PPP2R2A: variants seen among roughly 807,000 people sequenced by gnomAD.
PPP2R2A encodes the protein protein phosphatase 2 regulatory subunit Balpha, also known as serine/threonine-protein phosphatase 2A 55 kDa regulatory subunit B alpha isoform.
Under a neutral mutation model 53.2 loss-of-function variants are expected in PPP2R2A, and 9 were observed. That is an observed-to-expected ratio of 0.17 (90% CI 0.10 to 0.30). The LOEUF is 0.30. Ranked by LOEUF, PPP2R2A falls within the 10% of genes least tolerant of loss-of-function variation. The probability of loss-of-function intolerance (pLI) is 1.00; values close to 1 mark genes in which losing one functional copy is unlikely to be tolerated. For missense variants in PPP2R2A, 235 were observed against 534.6 expected, an observed-to-expected ratio of 0.44 and a Z score of 5.53; for synonymous variants, 169 against 174.2, an observed-to-expected ratio of 0.97 and a Z score of 0.23.
At chr8:26,322,192 T>G (rs991456798) in intron 2 of PPP2R2A, among the ~76,000 whole-genome samples, 16 of 152,216 alleles carry the variant, frequency 1.1e-4, no homozygotes, top group African/African-American at 3.9e-4. Context: ...AAGGAGTTCT[T>G]AAGTGAAATT....
At chr8:26,340,676 G>A (rs924474588) in intron 3 of PPP2R2A, among the ~76,000 whole-genome samples, 3 of 152,018 alleles carry the variant, frequency 2.0e-5, no homozygotes, top group South Asian at 2.1e-4. Context: ...TCCTGTGGTC[G>A]TTTGTTGTCC....
At position 26,293,898 on chromosome 8, in the gene PPP2R2A, G is replaced by A. The variant is rs917467812; in HGVS notation, c.82+158G>A. 12 of 655,826 alleles carry A rather than the reference G, an allele frequency of 1.8e-5. No individual in the cohort carries two copies. In the Admixed American group the frequency reaches 3.7e-4, roughly 20 times the overall value. 40.6% of individuals were successfully genotyped at this position (655,826 alleles called of 1,614,324 possible). A position where few individuals can be genotyped will look rare whatever the true frequency, so the allele number is the denominator to read the frequency against. ...TTAAAAGATACCTTTCTGAAAAACA[G>A]CCTTAAATTTCATTTGTTATTTACG... On this transcript the variant is annotated intron_variant, in intron 2 of 9. Coordinates refer to ENST00000380737, the MANE Select transcript of PPP2R2A (RefSeq NM_002717.4).
rs973690910 is a variant in PPP2R2A, at chr8:26,362,625, T to A, written c.638-59T>A. 2.0e-5 allele frequency: 30 copies of A among 1,524,208 alleles called. No homozygotes were observed. The African/African-American group carries it at 3.3e-4, about 17-fold the overall frequency. The allele number at this position is 1,524,208 out of a possible 1,614,324, so 94.4% of individuals were successfully genotyped here. On this transcript the variant is annotated intron_variant, in intron 6 of 9. Transcript: ENST00000380737. The surrounding 1 kb of genome is among the most constrained non-coding windows in gnomAD (Gnocchi z 4.4). ...ATGAATGGGTTTTAGGTTTGAGAAA[T>A]GTAGAATTATATTTGCCCTTTTTTC... is the stretch of plus-strand genomic sequence containing the variant.
intron 3 of PPP2R2A, among the ~76,000 whole-genome samples, chr8:26,346,651 C>G (rs1229477286): frequency 6.6e-6 from 1 of 152,176 alleles, no homozygotes; most frequent in Non-Finnish European, 1.5e-5. Context: ...AAATTGGGTT[C>G]TTTCTCAAAT....
At chr8:26,315,757 C>T (rs1301234554) in intron 2 of PPP2R2A, among the ~76,000 whole-genome samples, 2 of 152,182 alleles carry the variant, frequency 1.3e-5, no homozygotes, top group Non-Finnish European at 2.9e-5. Flanking sequence ...TACCTTCCTT[C>T]TGCTGTTGCC....
At chr8:26,364,545 C>T (rs1351793871) in intron 8 of PPP2R2A, among the ~76,000 whole-genome samples, 1 of 152,206 alleles carries the variant, frequency 6.6e-6, no homozygotes, top group Non-Finnish European at 1.5e-5. Flanking sequence ...AGGCCCTAGA[C>T]TGCAGTGTTG....
In PPP2R2A at chr8:26,362,340, CAA is replaced by C. The variant is rs77527363; in HGVS notation, c.638-330_638-329del. Among the ~76,000 whole-genome samples the C allele has an allele frequency of 1.1e-4, 14 of 123,066 alleles. No individual in the cohort carries two copies. Among genetic ancestry groups the C allele is most frequent in the South Asian group, 2.6e-4 (1 of 3,854 alleles). 80.7% of individuals were successfully genotyped at this position (123,066 alleles called of 152,430 possible). The stretch of plus-strand genomic sequence containing the variant: ...TGAAACCCCGTCTCTACTAAAAATA[CAA>C]AAAAAAAAAAAAATTAGTCAGTTGT... On this transcript the variant is annotated intron_variant, in intron 6 of 9. Transcript: ENST00000380737. This position sits in a 1 kb window ranked among gnomAD's most constrained non-coding sequence, Gnocchi z 4.4.
At chr8:26,339,078 A>G in intron 3 of PPP2R2A, 91 bp downstream of exon 3, 2 of 973,426 alleles carry the variant, frequency 2.1e-6, no homozygotes, top group Middle Eastern at 2.2e-4. Flanking sequence ...AGGATGTTGG[A>G]ATTTTAAAAG....
At chr8:26,352,113 G>C (rs1184438253) in intron 3 of PPP2R2A, among the ~76,000 whole-genome samples, 1 of 152,182 alleles carries the variant, frequency 6.6e-6, no homozygotes, top group East Asian at 1.9e-4. Context: ...AGAGAGGGAG[G>C]TGAAAATGCT....
At chr8:26,368,422 G>A (rs896089130) in intron 9 of PPP2R2A, among the ~76,000 whole-genome samples, 1 of 152,180 alleles carries the variant, frequency 6.6e-6, no homozygotes, top group Non-Finnish European at 1.5e-5. Flanking sequence ...AACTTACGAA[G>A]TTTTGTTTGT....
chr8:26,366,444 A>G (rs368653612), intron 9 of PPP2R2A, 38 bp downstream of exon 9: 425 of 1,443,384 alleles, frequency 2.9e-4, no homozygotes, highest in Non-Finnish European at 3.9e-4. Flanking sequence ...AATTTTATTA[A>G]AGAAAAGAAA....
intron 3 of PPP2R2A, among the ~76,000 whole-genome samples, chr8:26,349,648 C>T (rs182486691): frequency 1.3e-5 from 2 of 152,168 alleles, no homozygotes; most frequent in African/African-American, 2.4e-5. Flanking sequence ...ACATAAAATA[C>T]TAGCAGATTA....
Position 26,360,809 on chromosome 8 carries a change from C to T in PPP2R2A, c.460-165C>T, listed in dbSNP as rs1220473741. On this transcript the variant is annotated intron_variant, in intron 5 of 9. Coordinates refer to ENST00000380737, the MANE Select transcript of PPP2R2A (RefSeq NM_002717.4). This position sits in a 1 kb window ranked among gnomAD's most constrained non-coding sequence, Gnocchi z 4.5. ...TTATCCACATTGTTCATTTTTTCTT[C>T]AGCACTCGAAAGGATCAACATCAGT... is the stretch of plus-strand genomic sequence containing the variant. 3.5e-6 allele frequency: 2 copies of T among 579,306 alleles called. No homozygotes were observed. Among genetic ancestry groups the T allele is most frequent in the Admixed American group, 3.9e-5 (1 of 25,520 alleles). 35.9% of individuals were successfully genotyped at this position (579,306 alleles called of 1,614,324 possible).
In PPP2R2A at chr8:26,354,160, G is replaced by GT. The variant is rs1326629701; in HGVS notation, c.181-301dup. 1.3e-5 allele frequency among the ~76,000 whole-genome samples: 2 copies of GT among 151,788 alleles called. No individual in the cohort carries two copies. The highest frequency in any genetic ancestry group is 2.4e-5 in the African/African-American group (1 of 41,308). On this transcript the variant is annotated intron_variant, in intron 3 of 9. Transcript: ENST00000380737. The surrounding 1 kb of genome is among the most constrained non-coding windows in gnomAD (Gnocchi z 4.6). ...ATGGGTGCTCAGTTTTTTTTCATCA[G>GT]TTTTTTTCATAGACTATACCATCAA... is the stretch of plus-strand genomic sequence containing the variant.
intron 3 of PPP2R2A, among the ~76,000 whole-genome samples, chr8:26,345,749 TTGG>T (rs1299985113): frequency 6.6e-6 from 1 of 152,204 alleles, no homozygotes; most frequent in African/African-American, 2.4e-5. Flanking sequence ...AAGTAGCAAC[TTGG>T]TGATTGAAAA....
At chr8:26,343,739 T>C (rs749856900) in intron 3 of PPP2R2A, among the ~76,000 whole-genome samples, 1 of 152,192 alleles carries the variant, frequency 6.6e-6, no homozygotes, top group African/African-American at 2.4e-5. Context: ...TACCAAAATA[T>C]TCATAATTGA....
chr8:26,331,387 T>C (rs936321753), intron 2 of PPP2R2A, among the ~76,000 whole-genome samples: 1 of 152,228 alleles, frequency 6.6e-6, no homozygotes, highest in Admixed American at 6.5e-5. Context: ...AGACCAGTTA[T>C]CAGATTTTTA....
intron 2 of PPP2R2A, among the ~76,000 whole-genome samples, chr8:26,295,336 C>T (rs543023405): frequency 4.3e-4 from 66 of 152,136 alleles, no homozygotes; most frequent in Non-Finnish European, 8.4e-4. Flanking sequence ...TCAAAGTGAA[C>T]ATCATTTACC....
At chr8:26,337,972 T>C (rs1245049890) in intron 2 of PPP2R2A, among the ~76,000 whole-genome samples, 2 of 152,258 alleles carry the variant, frequency 1.3e-5, no homozygotes, top group Non-Finnish European at 2.9e-5. Flanking sequence ...AAAGTATGTA[T>C]ATCATCAGAT....
Sources: allele counts gnomAD v4.1 joint callset (sites outside exome capture counted in the v4.1 genomes callset), GRCh38; gene constraint gnomAD v4.1.1; non-coding constraint Gnocchi (gnomAD v3.1); transcripts MANE v1.5; gene names NCBI Gene and HGNC (gene_info 2026-07-23, HGNC 2026-07-21).